ZNF438: variants seen among roughly 807,000 people sequenced by gnomAD.
The protein encoded by ZNF438 is zinc finger protein 438.
In ZNF438, 25 loss-of-function variants were observed where a neutral mutation model predicts 38.0. That is an observed-to-expected ratio of 0.66 (90% CI 0.48 to 0.92). ZNF438 has a LOEUF of 0.92. Ranked by LOEUF, ZNF438 falls within the 40% of genes least tolerant of loss-of-function variation. The pLI is 0.00. For synonymous variants in ZNF438, 372 were observed against 364.1 expected, an observed-to-expected ratio of 1.02 and a Z score of -0.25; for missense variants, 1,007 against 999.6, an observed-to-expected ratio of 1.01 and a Z score of -0.10.
upstream of ZNF438, among the ~76,000 whole-genome samples, chr10:31,032,098 C>G (rs1046618623): frequency 2.1e-4 from 32 of 152,204 alleles, no homozygotes; most frequent in Non-Finnish European, 1.9e-4. Context: ...GGCGACTGCT[C>G]TACCAAAGCC....
intron 1 of ZNF438, among the ~76,000 whole-genome samples, chr10:30,981,599 C>T (rs2052155501): frequency 1.3e-5 from 2 of 152,014 alleles, no homozygotes; most frequent in African/African-American, 2.4e-5. Context: ...ATGTTCAGGC[C>T]GGGCGTGATG....
chr10:30,867,321 ATT>A (rs35278898), intron 4 of ZNF438, among the ~76,000 whole-genome samples: 62 of 152,020 alleles, frequency 4.1e-4, no homozygotes, highest in African/African-American at 1.4e-3. Flanking sequence ...TCTTCTCATT[ATT>A]TTTTTTGCTT....
chr10:30,886,023 T>C (rs2039907359), intron 3 of ZNF438, among the ~76,000 whole-genome samples: 1 of 152,190 alleles, frequency 6.6e-6, no homozygotes, highest in Admixed American at 6.5e-5. Flanking sequence ...CAACTGGATA[T>C]AAGAAAGAGC....
At chr10:30,948,686 G>C (rs1053444172) in intron 1 of ZNF438, among the ~76,000 whole-genome samples, 3 of 151,386 alleles carry the variant, frequency 2.0e-5, no homozygotes, top group East Asian at 1.9e-4. Flanking sequence ...GAAGCGAGAA[G>C]GGAAGTTTAG....
intron 2 of ZNF438, among the ~76,000 whole-genome samples, chr10:30,930,060 C>T (rs1156335146): frequency 6.6e-6 from 1 of 152,170 alleles, no homozygotes; most frequent in East Asian, 1.9e-4. Context: ...CGCCCACACT[C>T]CTCAGCCCTT....
chr10:30,988,324 G>A (rs903626114), intron 1 of ZNF438, among the ~76,000 whole-genome samples: 1 of 151,826 alleles, frequency 6.6e-6, no homozygotes, highest in African/African-American at 2.4e-5. Context: ...AATTTCAAAT[G>A]TAGCAATCAC....
intron 4 of ZNF438, among the ~76,000 whole-genome samples, chr10:30,874,829 T>G (rs1383796711): frequency 6.6e-6 from 1 of 150,820 alleles, no homozygotes; most frequent in Non-Finnish European, 1.5e-5. Flanking sequence ...TAAATATATA[T>G]TCTCTATAAT....
intron 3 of ZNF438, among the ~76,000 whole-genome samples, chr10:30,881,133 GC>G (rs2039195863): frequency 6.6e-6 from 1 of 152,098 alleles, no homozygotes; most frequent in African/African-American, 2.4e-5. Context: ...GGAAGTTCTA[GC>G]CAGTGCAATA....
chr10:30,959,358 C>T (rs562226720), intron 1 of ZNF438, among the ~76,000 whole-genome samples: 3 of 146,788 alleles, frequency 2.0e-5, no homozygotes, highest in African/African-American at 7.3e-5. Flanking sequence ...TCCCTTCAGA[C>T]TTCATCTGCA....
At chr10:30,961,892 GAAAAAA>G (rs947031672) in intron 1 of ZNF438, among the ~76,000 whole-genome samples, 4 of 67,096 alleles carry the variant, frequency 6.0e-5, no homozygotes, top group Admixed American at 1.7e-4. Context: ...CATCCCAAAA[GAAAAAA>G]AAAAAAAAAA....
chr10:30,903,217 G>C (rs957418369), intron 3 of ZNF438, among the ~76,000 whole-genome samples: 7 of 152,186 alleles, frequency 4.6e-5, no homozygotes, highest in South Asian at 2.1e-4. Context: ...AGCCGGCTCC[G>C]GACTCAGCCA....
At chr10:30,953,720 A>C (rs956965824) in intron 1 of ZNF438, among the ~76,000 whole-genome samples, 4 of 152,030 alleles carry the variant, frequency 2.6e-5, no homozygotes, top group African/African-American at 9.7e-5. Flanking sequence ...GGTGAGCAGA[A>C]GCTGGAAGTG....
At chr10:31,018,998 G>A (rs1424783630) in intron 1 of ZNF438, among the ~76,000 whole-genome samples, 2 of 152,166 alleles carry the variant, frequency 1.3e-5, no homozygotes, top group South Asian at 2.1e-4. Context: ...ATTGGCAGGA[G>A]GAGTTTAAAA....
intron 3 of ZNF438, among the ~76,000 whole-genome samples, chr10:30,880,293 T>C (rs912333514): frequency 3.3e-5 from 5 of 151,356 alleles, no homozygotes; most frequent in African/African-American, 1.2e-4. Context: ...TAGCTGGGCA[T>C]GGTGGTGCAT....
intron 1 of ZNF438, among the ~76,000 whole-genome samples, chr10:30,996,286 T>C (rs577050558): frequency 6.6e-6 from 1 of 152,166 alleles, no homozygotes; most frequent in East Asian, 1.9e-4. Flanking sequence ...TGAAGCAATC[T>C]AATCAAAAGA....
chr10:30,962,332 A>T (rs1394735698), intron 1 of ZNF438, among the ~76,000 whole-genome samples: 1 of 147,382 alleles, frequency 6.8e-6, no homozygotes, highest in Non-Finnish European at 1.5e-5. Context: ...TGCCCCAGAA[A>T]AGTTGGAGAT....
At chr10:30,941,133 G>A (rs1408956568) in intron 2 of ZNF438, among the ~76,000 whole-genome samples, 4 of 151,964 alleles carry the variant, frequency 2.6e-5, no homozygotes, top group Admixed American at 6.6e-5. Context: ...CTGCAGTAGC[G>A]TGATCTCAGC....
chr10:31,031,638 G>A (rs1009496271), intron 1 of ZNF438, among the ~76,000 whole-genome samples, 195 bp downstream of exon 1: 6 of 152,162 alleles, frequency 3.9e-5, no homozygotes, highest in Non-Finnish European at 8.8e-5. Flanking sequence ...CACGGGGCGC[G>A]GCCTCGCCTC....
At chr10:31,023,546 G>C (rs1168245665) in intron 1 of ZNF438, among the ~76,000 whole-genome samples, 6 of 152,122 alleles carry the variant, frequency 3.9e-5, no homozygotes, top group African/African-American at 1.4e-4. Flanking sequence ...CAGAAGAAAA[G>C]CAAAATCAAA....
Sources: gnomAD v4.1 joint callset for allele counts (sites outside exome capture counted in the v4.1 genomes callset) on GRCh38, gnomAD v4.1.1 for gene constraint, MANE v1.5 for transcripts, NCBI Gene and HGNC (gene_info 2026-07-23, HGNC 2026-07-21) for gene names.